Variants in NBEA observed in about 807,000 individuals in gnomAD.
NBEA encodes the protein lysosomal-trafficking regulator 2.
NBEA carries 44 observed loss-of-function variants against 343.4 expected under a neutral mutation model. The observed-to-expected ratio is 0.13, with a 90% CI of 0.10 to 0.16. The LOEUF (loss-of-function observed/expected upper bound fraction) is 0.16. Ranked by LOEUF, NBEA falls within the 10% of genes least tolerant of loss-of-function variation. NBEA has a pLI of 1.00. For missense variants in NBEA, 2,555 were observed against 3,631.3 expected (o/e 0.70, Z 7.62); for synonymous variants, 1,175 against 1,238.7 (o/e 0.95, Z 1.08).
intron 36 of NBEA, among the ~76,000 whole-genome samples, chr13:35,337,334 G>A (rs2039323339): frequency 6.6e-6 from 1 of 151,934 alleles, no homozygotes; most frequent in Non-Finnish European, 1.5e-5. Context: ...CATACAAATA[G>A]AACTCAAAAG....
At chr13:34,946,180 A>G (rs2059178251) in intron 1 of NBEA, among the ~76,000 whole-genome samples, 1 of 152,150 alleles carries the variant, frequency 6.6e-6, no homozygotes, top group Non-Finnish European at 1.5e-5. Context: ...TAGCTCTACT[A>G]ATGAAAGAAA....
At chr13:34,959,188 T>C (rs1195512533) in intron 1 of NBEA, among the ~76,000 whole-genome samples, 2 of 152,182 alleles carry the variant, frequency 1.3e-5, no homozygotes, top group Admixed American at 1.3e-4. Context: ...GATTCTTTTT[T>C]TTACCAAAAT....
At chr13:35,107,676 G>T (rs1340415927) in intron 11 of NBEA, among the ~76,000 whole-genome samples, 3 of 151,598 alleles carry the variant, frequency 2.0e-5, no homozygotes, top group Non-Finnish European at 4.4e-5. Flanking sequence ...CTTCAATTTT[G>T]CTAGCTGCTT....
chr13:35,203,180 A>G (rs1209789459), intron 31 of NBEA, among the ~76,000 whole-genome samples: 2 of 152,084 alleles, frequency 1.3e-5, no homozygotes, highest in Admixed American at 6.6e-5. Flanking sequence ...ATGGTTTCTC[A>G]TCCCTCTCTG....
intron 1 of NBEA, among the ~76,000 whole-genome samples, chr13:34,990,339 TCTATTCTCTGATAG>T (rs1430729399): frequency 6.6e-6 from 1 of 151,120 alleles, no homozygotes; most frequent in Non-Finnish European, 1.5e-5. Context: ...TCCAGACATT[TCTATTCTCTGATAG>T]CTATTTGGAG....
chr13:35,410,158 G>T (rs1045942310), intron 38 of NBEA, among the ~76,000 whole-genome samples: 2 of 152,066 alleles, frequency 1.3e-5, no homozygotes, highest in African/African-American at 4.8e-5. Flanking sequence ...AAGTTGAAAT[G>T]CATCTCAGTG....
rs185677056 is a variant in NBEA at position 35,079,474 on chromosome 13, A to G, written c.1571+8622A>G. ...ACAGAAACTCACATATTCATTCAATAAGCCAGAATCCAAATATGTAAGCTT... is the reference window on the plus strand; with the variant it reads ...ACAGAAACTCACATATTCATTCAATGAGCCAGAATCCAAATATGTAAGCTT... On this transcript the variant is annotated intron_variant, in intron 10 of 58. Transcript: ENST00000379939. Among the ~76,000 whole-genome samples the G allele has an allele frequency of 3.8e-3, 572 of 152,316 alleles. 1 individual carries two copies. Among genetic ancestry groups the G allele is most frequent in the Non-Finnish European group, 6.1e-3 (413 of 68,010 alleles).
At chr13:35,651,723 T>C in intron 52 of NBEA, 82 bp from the exon 53 acceptor site, 4 of 811,034 alleles carry the variant, frequency 4.9e-6, no homozygotes, top group Non-Finnish European at 8.3e-6. Flanking sequence ...TTTTGTAAAA[T>C]CATCATAAAA....
intron 1 of NBEA, among the ~76,000 whole-genome samples, chr13:34,967,472 A>G (rs2059859937): frequency 6.6e-6 from 1 of 151,990 alleles, no homozygotes; most frequent in Non-Finnish European, 1.5e-5. Context: ...GTAGTCAACC[A>G]TATGGCAAGG....
At chr13:35,493,204 C>T (rs2076561348) in intron 41 of NBEA, among the ~76,000 whole-genome samples, 1 of 151,802 alleles carries the variant, frequency 6.6e-6, no homozygotes, top group African/African-American at 2.4e-5. Context: ...TCTGAGTCAC[C>T]AGAGCCTGCA....
intron 38 of NBEA, among the ~76,000 whole-genome samples, chr13:35,428,481 G>A (rs762729524): frequency 6.6e-6 from 1 of 152,026 alleles, no homozygotes; most frequent in Non-Finnish European, 1.5e-5. Flanking sequence ...TCCTCCCTCT[G>A]TTCCTTCTGT....
At chr13:35,324,405 C>A (rs1368715321) in intron 36 of NBEA, among the ~76,000 whole-genome samples, 1 of 152,150 alleles carries the variant, frequency 6.6e-6, no homozygotes, top group Non-Finnish European at 1.5e-5. Flanking sequence ...ATTTGAAAAA[C>A]CAGAATATTT....
At chr13:35,058,508 T>C (rs1270385651) in intron 7 of NBEA, among the ~76,000 whole-genome samples, 1 of 152,088 alleles carries the variant, frequency 6.6e-6, no homozygotes, top group Non-Finnish European at 1.5e-5. Flanking sequence ...GTTTGTTTGC[T>C]TAAACATAAG....
At chr13:35,357,646 T>C (rs1357746039) in intron 38 of NBEA, among the ~76,000 whole-genome samples, 2 of 152,212 alleles carry the variant, frequency 1.3e-5, no homozygotes, top group Non-Finnish European at 2.9e-5. Flanking sequence ...TTGTTATGGC[T>C]GCATAGTATT....
chr13:35,657,871 C>T (rs1566472531), intron 55 of NBEA, among the ~76,000 whole-genome samples: 1 of 152,048 alleles, frequency 6.6e-6, no homozygotes, highest in African/African-American at 2.4e-5. Flanking sequence ...TTCTTAAAAG[C>T]TGCCATCTGG....
Position 35,228,484 on chromosome 13 carries a change from A to G in NBEA, c.5649-4008A>G, listed in dbSNP as rs113096816. Among the ~76,000 whole-genome samples the G allele has an allele frequency of 6.7e-3, 1,017 of 152,072 alleles. 10 individuals carry two copies. The highest frequency in any genetic ancestry group is 0.024 in the African/African-American group (978 of 41,484). ...CTTTTAGTGTATTCATCACCTGAAT[A>G]ATGTACATGATACCCATTAAGTAAT... On this transcript the variant is annotated intron_variant, in intron 33 of 58. Transcript: ENST00000379939.
At chr13:35,369,733 C>T (rs1419658888) in intron 38 of NBEA, among the ~76,000 whole-genome samples, 2 of 151,750 alleles carry the variant, frequency 1.3e-5, no homozygotes. Context: ...TTTATCAGAT[C>T]GAAGAGGTTT....
chr13:35,220,231 C>G (rs896670286), intron 33 of NBEA, among the ~76,000 whole-genome samples: 1 of 152,036 alleles, frequency 6.6e-6, no homozygotes, highest in African/African-American at 2.4e-5. Flanking sequence ...AAATTCACAC[C>G]CTGCAAGAAA....
intron 49 of NBEA, among the ~76,000 whole-genome samples, chr13:35,643,166 G>A (rs2084050000): frequency 6.6e-6 from 1 of 151,452 alleles, no homozygotes; most frequent in African/African-American, 2.4e-5. Context: ...TTTTCATGCT[G>A]TGGACAAGCT....
Sources: gnomAD v4.1 joint callset for allele counts (sites outside exome capture counted in the v4.1 genomes callset) on GRCh38, gnomAD v4.1.1 for gene constraint, MANE v1.5 for transcripts, NCBI Gene and HGNC (gene_info 2026-07-23, HGNC 2026-07-21) for gene names.